Variants in CHP1 observed in about 807,000 individuals in gnomAD.
CHP1 encodes the protein calcineurin like EF-hand protein 1.
Under a neutral mutation model 27.4 loss-of-function variants are expected in CHP1, and 11 were observed. The ratio of observed to expected loss-of-function variants is 0.40; its 90% CI spans 0.25 to 0.67. The LOEUF is 0.67. CHP1 is among the 30% of genes least tolerant of loss of function. CHP1 has a pLI of 0.38. For synonymous variants in CHP1, 89 were observed against 87.4 expected (o/e 1.02, Z -0.10); for missense variants, 169 against 251.3 (o/e 0.67, Z 2.22).
chr15:41,249,112 A>G (rs1334268260), intron 2 of CHP1, among the ~76,000 whole-genome samples: 1 of 152,180 alleles, frequency 6.6e-6, no homozygotes, highest in African/African-American at 2.4e-5. Context: ...TCCAGGACCC[A>G]TCAGAGTGCT....
rs1181094314 is a variant in CHP1, at chr15:41,256,965, A to T, written c.196A>T (p.Ile66Phe). 1.9e-6 allele frequency: 3 copies of T among 1,613,986 alleles called. No homozygotes were observed. Among genetic ancestry groups the T allele is most frequent in the Non-Finnish European group, 2.5e-6 (3 of 1,179,978 alleles). Residue 66 changes from isoleucine (I) to phenylalanine (F), a missense_variant, in exon 3 of 7, where the codon ATC (isoleucine) becomes TTC (phenylalanine). Coordinates refer to ENST00000334660, the MANE Select transcript of CHP1 (RefSeq NM_007236.5). Reference sequence around the variant, plus strand: ...TGCCATCAACCCACTGGGGGACCGGATCATCAATGCCTTCTTTCCAGAGGG... The same window carrying T: ...TGCCATCAACCCACTGGGGGACCGGTTCATCAATGCCTTCTTTCCAGAGGG... ...ELAINPLGDR[I>F]INAFFPEGED...
intron 4 of CHP1, among the ~76,000 whole-genome samples, chr15:41,267,013 A>T (rs530011957): frequency 1.3e-5 from 2 of 152,018 alleles, no homozygotes; most frequent in Non-Finnish European, 2.9e-5. Context: ...AAAAAAAAGG[A>T]AATTCTGGCA....
At chr15:41,262,286 A>G (rs1411197466) in intron 3 of CHP1, among the ~76,000 whole-genome samples, 1 of 152,202 alleles carries the variant, frequency 6.6e-6, no homozygotes, top group African/African-American at 2.4e-5. Flanking sequence ...CGGCCTTTCC[A>G]TAATGTGCCT....
chr15:41,261,821 C>T (rs1051807215), intron 3 of CHP1, among the ~76,000 whole-genome samples: 4 of 151,672 alleles, frequency 2.6e-5, no homozygotes, highest in East Asian at 1.9e-4. Flanking sequence ...GGAGAAACCC[C>T]GTCTCTACTA....
At chr15:41,244,943 G>C (rs764160907) in intron 2 of CHP1, among the ~76,000 whole-genome samples, 1 of 152,068 alleles carries the variant, frequency 6.6e-6, no homozygotes, top group South Asian at 2.1e-4. Flanking sequence ...AAAGTTTCTA[G>C]CACAGGTGTT....
chr15:41,263,026 T>G lies in CHP1; in HGVS notation c.349+143T>G, dbSNP rs1419280357. 3 of 1,098,064 alleles carry G rather than the reference T, an allele frequency of 2.7e-6. No homozygotes were observed. The African/African-American group carries it at 4.8e-5, about 17-fold the overall frequency. The allele number at this position is 1,098,064 out of a possible 1,614,324, so 68.0% of individuals were successfully genotyped here. A position where few individuals can be genotyped will look rare whatever the true frequency, so the allele number is the denominator to read the frequency against. On this transcript the variant is annotated intron_variant, in intron 4 of 6. Coordinates refer to ENST00000334660, the MANE Select transcript of CHP1 (RefSeq NM_007236.5). ...ACTCTGGAGCTAAACTGGCCAAGAT[T>G]AAATACTAGTCTACCCTTTTTTGGT...
intron 2 of CHP1, 137 bp downstream of exon 2, chr15:41,243,876 T>C: frequency 1.5e-6 from 1 of 689,520 alleles, no homozygotes; most frequent in Non-Finnish European, 2.5e-6. Context: ...TCTACTGGTC[T>C]TTGAGCATCA....
At chr15:41,257,460 G>T (rs2047406187) in intron 3 of CHP1, among the ~76,000 whole-genome samples, 1 of 151,358 alleles carries the variant, frequency 6.6e-6, no homozygotes, top group African/African-American at 2.4e-5. Context: ...CATTTAAAAA[G>T]TAAAAATAAG....
chr15:41,233,211 T>C (rs1199342064), intron 1 of CHP1, among the ~76,000 whole-genome samples: 1 of 152,188 alleles, frequency 6.6e-6, no homozygotes, highest in Non-Finnish European at 1.5e-5. Context: ...ACTTTAGGTC[T>C]AGGGTGACAC....
intron 1 of CHP1, among the ~76,000 whole-genome samples, chr15:41,243,028 G>T (rs568414521): frequency 4.0e-5 from 6 of 151,590 alleles, no homozygotes; most frequent in Non-Finnish European, 7.4e-5. Context: ...AAACTTCAAA[G>T]TTTCACAGCT....
chr15:41,274,047 G>A (rs756213164), intron 5 of CHP1, among the ~76,000 whole-genome samples: 12 of 151,716 alleles, frequency 7.9e-5, no homozygotes, highest in Non-Finnish European at 1.5e-4. Context: ...TGCAACCTCC[G>A]CCTCCCGGGT....
intron 3 of CHP1, among the ~76,000 whole-genome samples, chr15:41,258,503 C>T (rs2047414278): frequency 6.6e-6 from 1 of 152,200 alleles, no homozygotes; most frequent in South Asian, 2.1e-4. Context: ...TCTTTAGCCT[C>T]CTTTAATCTG....
At chr15:41,233,583 TAC>T (rs2047263119) in intron 1 of CHP1, among the ~76,000 whole-genome samples, 1 of 152,214 alleles carries the variant, frequency 6.6e-6, no homozygotes, top group Non-Finnish European at 1.5e-5. Context: ...ACTGAATTTT[TAC>T]AGTGTCTGTT....
rs1198877609 is a variant in CHP1, at chr15:41,249,241, A to G, written c.140+5502A>G. 2.0e-5 allele frequency among the ~76,000 whole-genome samples: 3 copies of G among 152,014 alleles called. No homozygotes were observed. In the East Asian group the frequency reaches 5.8e-4, roughly 29 times the overall value. ...ATTGCCCAGGCTTGATTGCAGTGGC[A>G]CCATCACGGCTCACTGTAGCCTCCC... On this transcript the variant is annotated intron_variant, in intron 2 of 6. Transcript: ENST00000334660.
chr15:41,239,323 T>G (rs1595470642), intron 1 of CHP1, among the ~76,000 whole-genome samples: 1 of 151,594 alleles, frequency 6.6e-6, no homozygotes, highest in Non-Finnish European at 1.5e-5. Context: ...GAAGATAGTT[T>G]TTTTTTTTTT....
intron 2 of CHP1, among the ~76,000 whole-genome samples, chr15:41,247,718 A>G (rs1264487230): frequency 1.3e-5 from 2 of 151,666 alleles, no homozygotes; most frequent in African/African-American, 4.8e-5. Context: ...CACGCCTGTA[A>G]TCCCAGCACT....
At position 41,232,208 on chromosome 15, in the gene CHP1, A is replaced by AT. The variant is rs541011609; in HGVS notation, c.67+779dup. ...CCGTGTGAATTTGTACTAGGAACTG[A>AT]TTTTTTTTTTTTTTTTTTTTGAAAC... On this transcript the variant is annotated intron_variant, in intron 1 of 6. Transcript: ENST00000334660. 7.4e-3 allele frequency among the ~76,000 whole-genome samples: 969 copies of AT among 131,592 alleles called. 13 individuals are homozygous for AT. The highest frequency in any genetic ancestry group is 0.013 in the East Asian group (60 of 4,550). 86.3% of individuals were successfully genotyped at this position (131,592 alleles called of 152,430 possible). A position where few individuals can be genotyped will look rare whatever the true frequency, so the allele number is the denominator to read the frequency against.
intron 2 of CHP1, among the ~76,000 whole-genome samples, chr15:41,246,981 C>A (rs1347653615): frequency 2.8e-4 from 39 of 139,914 alleles, no homozygotes; most frequent in African/African-American, 9.6e-4. Context: ...GTCAGGAGGT[C>A]GAGACCATGG....
At chr15:41,262,936 G>T in intron 4 of CHP1, 53 bp downstream of exon 4, 1 of 1,603,120 alleles carries the variant, frequency 6.2e-7, no homozygotes, top group Non-Finnish European at 8.5e-7. Context: ...TTTCTTAAAA[G>T]TCATGTATTT....
Sources: allele counts gnomAD v4.1 joint callset (sites outside exome capture counted in the v4.1 genomes callset), GRCh38; gene constraint gnomAD v4.1.1; transcripts MANE v1.5; gene names NCBI Gene and HGNC (gene_info 2026-07-23, HGNC 2026-07-21).